Variants in PPEF1 observed in about 807,000 individuals in gnomAD.
PPEF1 encodes the protein protein phosphatase with EF-hand domain 1.
PPEF1 carries 12 observed loss-of-function variants against 53.3 expected under a neutral mutation model. The observed-to-expected ratio is 0.23, with a 90% CI of 0.14 to 0.36. The LOEUF (loss-of-function observed/expected upper bound fraction) is 0.36, where lower values mean the gene tolerates loss of function less well. PPEF1 is among the 10% of genes least tolerant of loss of function. The pLI, the probability that PPEF1 is intolerant of heterozygous loss-of-function variation, is 1.00. For synonymous variants in PPEF1, 165 were observed against 176.7 expected (o/e 0.93, Z 0.52); for missense variants, 334 against 490.4 (o/e 0.68, Z 3.01).
intron 1 of PPEF1, among the ~76,000 whole-genome samples, chrX:18,714,269 G>T (rs867908014): frequency 1.6e-4 from 10 of 61,917 alleles, no homozygotes; most frequent in Admixed American, 1.9e-4. Flanking sequence ...TTTGTTTTTC[G>T]TTTTTTTGTT....
intron 1 of PPEF1, among the ~76,000 whole-genome samples, chrX:18,711,944 G>A (rs781400661): frequency 5.4e-5 from 6 of 110,672 alleles, no homozygotes; most frequent in South Asian, 3.8e-4. Context: ...TGGTAGAGAC[G>A]GGGTTTCACC....
At position 18,779,122 on chromosome X, in the gene PPEF1, C is replaced by G. The variant is rs757849055; in HGVS notation, c.671C>G (p.Pro224Arg). ...CTGTGTGTGAGTTTTCTTGTCTACC[C>G]CAATGACCTGCACTTGAACAGAGGG... is the stretch of plus-strand genomic sequence containing the variant. ...MILCVSFLVYPNDLHLNRGNH... is the reference protein window; with the variant it reads ...MILCVSFLVYRNDLHLNRGNH... The change falls in exon 7 of 16, where the codon CCC becomes CGC. Residue 224 changes from proline to arginine, a missense_variant. Pro to Arg is a moderately radical substitution (Grantham distance 103). Transcript: ENST00000470157. 45 of 1,206,364 alleles carry G rather than the reference C, an allele frequency of 3.7e-5. No individual in the cohort carries two copies. Among genetic ancestry groups the G allele is most frequent in the Non-Finnish European group, 4.8e-5 (43 of 892,797 alleles).
chrX:18,795,066 T>C (rs2046404304), intron 10 of PPEF1, among the ~76,000 whole-genome samples: 1 of 112,131 alleles, frequency 8.9e-6, no homozygotes, highest in African/African-American at 3.2e-5. Context: ...TCCCAGCACT[T>C]TGGGAGGCTG....
At chrX:18,775,105 T>C (rs1403760432) in intron 6 of PPEF1, among the ~76,000 whole-genome samples, 1 of 111,059 alleles carries the variant, frequency 9.0e-6, no homozygotes, top group East Asian at 2.8e-4. Flanking sequence ...ATCATTTTGA[T>C]TTTACTCAAA....
At chrX:18,749,702 G>A in intron 3 of PPEF1, 90 bp from the exon 4 acceptor site, 1 of 649,413 alleles carries the variant, frequency 1.5e-6, no homozygotes, top group Non-Finnish European at 2.3e-6. Context: ...CATGGGCTAG[G>A]TATTCAAGAA....
At chrX:18,686,893 A>G (rs1929103486) in intron 3 of PPEF1, among the ~76,000 whole-genome samples, 2 of 111,096 alleles carry the variant, frequency 1.8e-5, no homozygotes, top group African/African-American at 3.3e-5. Flanking sequence ...TTCGTCCCAC[A>G]TGATACGAAG....
At chrX:18,805,261 G>C (rs1019964224) in intron 11 of PPEF1, among the ~76,000 whole-genome samples, 7 of 110,835 alleles carry the variant, frequency 6.3e-5, no homozygotes, top group African/African-American at 2.3e-4. Context: ...TGGGATTATA[G>C]GCATTAGCCA....
chrX:18,733,487 G>A (rs915836761), intron 2 of PPEF1, among the ~76,000 whole-genome samples: 6 of 111,897 alleles, frequency 5.4e-5, no homozygotes, highest in African/African-American at 1.9e-4. Flanking sequence ...GGGAGGTGGG[G>A]GACTGGGCTG....
At chrX:18,818,349 TAAC>T (rs2046961239) in intron 13 of PPEF1, among the ~76,000 whole-genome samples, 1 of 103,067 alleles carries the variant, frequency 9.7e-6, no homozygotes, top group Admixed American at 1.1e-4. Context: ...CTTGGAAAAC[TAAC>T]AACAACCCTG....
chrX:18,678,084 T>C (rs1928739934), upstream of PPEF1, among the ~76,000 whole-genome samples: 1 of 95,278 alleles, frequency 1.0e-5, no homozygotes, highest in Non-Finnish European at 2.0e-5. Context: ...TGAGCCATGA[T>C]TGCACCGCTG....
intron 6 of PPEF1, among the ~76,000 whole-genome samples, chrX:18,772,549 A>G (rs1048916157): frequency 3.6e-5 from 4 of 111,309 alleles, no homozygotes; most frequent in Non-Finnish European, 7.5e-5. Context: ...CTCTTTTTCT[A>G]TTGATTGGAA....
At chrX:18,754,957 G>T (rs1337511864) in intron 4 of PPEF1, among the ~76,000 whole-genome samples, 4 of 111,566 alleles carry the variant, frequency 3.6e-5, no homozygotes, top group Non-Finnish European at 7.5e-5. Context: ...AGCACAGGAG[G>T]TTATAAGACA....
intron 6 of PPEF1, among the ~76,000 whole-genome samples, chrX:18,762,868 C>T (rs186427128): frequency 3.7e-3 from 409 of 111,526 alleles, no homozygotes; most frequent in African/African-American, 0.013. Flanking sequence ...GTTCAAACAC[C>T]TCTAACATTA....
chrX:18,724,104 G>A (rs1381056291), intron 1 of PPEF1, among the ~76,000 whole-genome samples: 1 of 111,466 alleles, frequency 9.0e-6, no homozygotes, highest in Non-Finnish European at 1.9e-5. Context: ...CATTTTTTAT[G>A]GCTGATTCCA....
At chrX:18,761,496 T>G (rs1602423502) in intron 5 of PPEF1, 34 bp from the exon 6 acceptor site, 5 of 1,175,076 alleles carry the variant, frequency 4.3e-6, no homozygotes, top group African/African-American at 3.5e-5. Flanking sequence ...CATCTTGTTC[T>G]CTACTGAATA....
intron 10 of PPEF1, among the ~76,000 whole-genome samples, chrX:18,792,676 C>T (rs1394647252): frequency 9.0e-6 from 1 of 111,502 alleles, no homozygotes; most frequent in East Asian, 2.8e-4. Flanking sequence ...TTTATTTCTG[C>T]ACTAATTGTT....
intron 6 of PPEF1, among the ~76,000 whole-genome samples, chrX:18,778,484 A>T (rs187760380): frequency 4.9e-4 from 55 of 111,218 alleles, no homozygotes; most frequent in Admixed American, 7.7e-4. Flanking sequence ...CACATCACAT[A>T]GCACTCTTCA....
At chrX:18,714,277 G>T (rs5909208) in intron 1 of PPEF1, among the ~76,000 whole-genome samples, 40,893 of 88,018 alleles carry the variant, frequency 0.46, 8,424 homozygotes, top group East Asian at 0.67. Flanking sequence ...TCGTTTTTTT[G>T]TTTTTTTTTT....
At position 18,817,669 on chromosome X, in the gene PPEF1, C is replaced by A. The variant is rs1467537349; in HGVS notation, c.1395-370C>A. Among the ~76,000 whole-genome samples, 9 of 63,122 alleles carry A rather than the reference C, an allele frequency of 1.4e-4. No individual in the cohort carries two copies. In the East Asian group the frequency reaches 3.1e-3, roughly 22 times the overall value. The allele number at this position is 63,122 out of a possible 115,157, so 54.8% of individuals were successfully genotyped here. A position where few individuals can be genotyped will look rare whatever the true frequency, so the allele number is the denominator to read the frequency against. On this transcript the variant is annotated intron_variant, in intron 12 of 15. Coordinates refer to ENST00000470157, the MANE Select transcript of PPEF1 (RefSeq NM_001377996.1). ...TTTATGAAATTTCTATTATGTTCTA[C>A]TCATGTATCAGTCTTCTCTTGTGTC...
Sources: allele counts gnomAD v4.1 joint callset (sites outside exome capture counted in the v4.1 genomes callset), GRCh38; gene constraint gnomAD v4.1.1; transcripts MANE v1.5; gene names NCBI Gene and HGNC (gene_info 2026-07-23, HGNC 2026-07-21).